FRMPD1: variants seen among roughly 807,000 people sequenced by gnomAD.
FRMPD1 encodes the protein FERM and PDZ domain containing 1.
In FRMPD1, 76 loss-of-function variants were observed where a neutral mutation model predicts 117.8. The ratio of observed to expected loss-of-function variants is 0.65; its 90% CI spans 0.54 to 0.78. The LOEUF (loss-of-function observed/expected upper bound fraction) is 0.78, where lower values mean the gene tolerates loss of function less well. FRMPD1 is among the 30% of genes least tolerant of loss of function. FRMPD1 has a pLI of 0.00. For missense variants in FRMPD1, 1,786 were observed against 1,964.5 expected, an observed-to-expected ratio of 0.91 and a Z score of 1.72; for synonymous variants, 783 against 770.4, an observed-to-expected ratio of 1.02 and a Z score of -0.27.
rs1824693201 is a variant in FRMPD1, at chr9:37,746,048, C to T, written c.4016C>T (p.Ser1339Phe). The T allele has an allele frequency of 2.5e-6, 4 of 1,614,054 alleles. No homozygotes were observed. The East Asian group carries it at 6.7e-5, about 27-fold the overall frequency. Reference sequence around the variant, plus strand: ...ATGGACCAGTGCAGCTGTCAGTTCTCCTATGCCACATGCTTCCGTGGCCCG... The same window carrying T: ...ATGGACCAGTGCAGCTGTCAGTTCTTCTATGCCACATGCTTCCGTGGCCCG... ...IGMDQCSCQF[S>F]YATCFRGPQP... Residue 1339 changes from serine to phenylalanine, a missense_variant, in exon 16 of 16, where the codon TCC becomes TTC. Ser to Phe is a radical substitution (Grantham distance 155). Transcript: ENST00000377765.
chr9:37,724,937 C>T (rs1016133216), intron 7 of FRMPD1, among the ~76,000 whole-genome samples: 1 of 152,166 alleles, frequency 6.6e-6, no homozygotes, highest in Non-Finnish European at 1.5e-5. Context: ...CCTGTCCAGA[C>T]TTCAGACAAG....
chr9:37,745,719 G>A lies in FRMPD1; in HGVS notation c.3687G>A (p.Glu1229=), dbSNP rs1824675164. ...TCCCTCCAGAGGGGATCAAGGCAGA[G>A]GCACCTAACCATGTGACAGGGCAAG... ...PAVPPEGIKA[E]APNHVTGQDI... Residue 1229 remains glutamate, a synonymous_variant, in exon 16 of 16, where the codon GAG becomes GAA. Coordinates refer to ENST00000377765, the MANE Select transcript of FRMPD1 (RefSeq NM_014907.3). 1 of 1,614,154 alleles carries A rather than the reference G, an allele frequency of 6.2e-7. No individual in the cohort carries two copies. Among genetic ancestry groups the A allele is most frequent in the Non-Finnish European group, 8.5e-7 (1 of 1,180,012 alleles).
chr9:37,612,319 G>GT, the FRMPD1 span, among the ~76,000 whole-genome samples: 3 of 152,010 alleles, frequency 2.0e-5, no homozygotes, highest in Non-Finnish European at 4.4e-5. Context: ...GTACTTCAAA[G>GT]TTTTTTTGTT....
intron 5 of FRMPD1, among the ~76,000 whole-genome samples, chr9:37,713,190 A>T (rs972323660): frequency 2.0e-5 from 3 of 152,244 alleles, no homozygotes; most frequent in Non-Finnish European, 4.4e-5. Flanking sequence ...GATAATGAGG[A>T]TGGCCTTGAT....
chr9:37,639,984 A>T, the FRMPD1 span, among the ~76,000 whole-genome samples: 1 of 152,226 alleles, frequency 6.6e-6, no homozygotes, highest in Non-Finnish European at 1.5e-5. Flanking sequence ...CACAGAACTC[A>T]GTCAGGCCAA....
At chr9:37,631,921 C>G in the FRMPD1 span, among the ~76,000 whole-genome samples, 25 of 152,132 alleles carry the variant, frequency 1.6e-4, no homozygotes, top group African/African-American at 5.3e-4. Context: ...TTTCTTTATA[C>G]TAACTTGAGT....
At chr9:37,725,073 A>C (rs1053340077) in intron 7 of FRMPD1, among the ~76,000 whole-genome samples, 3 of 152,226 alleles carry the variant, frequency 2.0e-5, no homozygotes, top group African/African-American at 7.2e-5. Context: ...GAACTAATGC[A>C]GAGAGCCAGA....
chr9:37,678,974 T>G (rs544704341), intron 1 of FRMPD1, among the ~76,000 whole-genome samples: 25 of 152,186 alleles, frequency 1.6e-4, no homozygotes, highest in Non-Finnish European at 3.2e-4. Flanking sequence ...GCACAGGTGC[T>G]TCTGGCATGG....
At chr9:37,670,138 G>A (rs538649456) in intron 1 of FRMPD1, 8 of 152,286 alleles carry the variant, frequency 5.3e-5, no homozygotes, top group African/African-American at 1.9e-4. Flanking sequence ...TGATAAATTA[G>A]ACTGTGTCTA....
intron 2 of FRMPD1, among the ~76,000 whole-genome samples, chr9:37,707,152 C>G (rs1315284840): frequency 6.6e-6 from 1 of 152,204 alleles, no homozygotes; most frequent in Non-Finnish European, 1.5e-5. Flanking sequence ...AACTGCTCTC[C>G]CCCTTCTCTG....
the FRMPD1 span, among the ~76,000 whole-genome samples, chr9:37,613,876 T>C: frequency 6.6e-6 from 1 of 152,268 alleles, no homozygotes. Flanking sequence ...CTCACTAGAC[T>C]GGAAGCTGCA....
At chr9:37,638,846 C>T in the FRMPD1 span, among the ~76,000 whole-genome samples, 8 of 152,312 alleles carry the variant, frequency 5.3e-5, no homozygotes, top group African/African-American at 1.4e-4. Context: ...ACTTCCTCCT[C>T]AAAGTCTATC....
At chr9:37,676,873 G>A (rs762202788) in intron 1 of FRMPD1, among the ~76,000 whole-genome samples, 3 of 152,114 alleles carry the variant, frequency 2.0e-5, no homozygotes, top group Non-Finnish European at 2.9e-5. Flanking sequence ...GCCTTATATT[G>A]GTTAGGAGTT....
chr9:37,605,094 C>T, the FRMPD1 span, among the ~76,000 whole-genome samples: 2 of 152,200 alleles, frequency 1.3e-5, no homozygotes, highest in East Asian at 1.9e-4. Flanking sequence ...TGTTAGTCAC[C>T]GTGCTTCAGT....
chr9:37,622,072 C>T, the FRMPD1 span, among the ~76,000 whole-genome samples: 1 of 152,096 alleles, frequency 6.6e-6, no homozygotes, highest in Non-Finnish European at 1.5e-5. Flanking sequence ...AGTAAAAGTG[C>T]CTGAGTTCAA....
intron 4 of FRMPD1, 62 bp from the exon 5 acceptor site, chr9:37,711,288 T>C: frequency 1.9e-6 from 2 of 1,027,598 alleles, no homozygotes; most frequent in Admixed American, 1.7e-5. Flanking sequence ...CATGTATGCA[T>C]GCACGTGCAT....
intron 1 of FRMPD1, among the ~76,000 whole-genome samples, chr9:37,671,866 T>C (rs2119422603): frequency 6.6e-6 from 1 of 152,304 alleles, no homozygotes; most frequent in Non-Finnish European, 1.5e-5. Flanking sequence ...CTCAGGAGGC[T>C]GAGGAAGGAG....
chr9:37,714,443 A>AGAGGAACGTGCTCTG (rs1823025073), intron 5 of FRMPD1, among the ~76,000 whole-genome samples: 1 of 152,202 alleles, frequency 6.6e-6, no homozygotes, highest in Non-Finnish European at 1.5e-5. Flanking sequence ...TTCCAGGAAG[A>AGAGGAACGTGCTCTG]GAGGAACGTG....
the FRMPD1 span, among the ~76,000 whole-genome samples, chr9:37,643,199 G>A: frequency 1.3e-5 from 2 of 152,282 alleles, no homozygotes; most frequent in East Asian, 3.9e-4. Flanking sequence ...TACATTTAAT[G>A]TATAGGTAAT....
Sources: allele counts gnomAD v4.1 joint callset (sites outside exome capture counted in the v4.1 genomes callset), GRCh38; gene constraint gnomAD v4.1.1; transcripts MANE v1.5; gene names NCBI Gene and HGNC (gene_info 2026-07-23, HGNC 2026-07-21).